SIPA1L2: variants seen among roughly 807,000 people sequenced by gnomAD.
The protein encoded by SIPA1L2 is signal induced proliferation associated 1 like 2, also known as signal-induced proliferation-associated 1-like protein 2.
A neutral mutation model predicts 163.9 loss-of-function variants in SIPA1L2; 56 were observed. That is an observed-to-expected ratio of 0.34 (90% CI 0.28 to 0.43). SIPA1L2 has a LOEUF of 0.43. Among genes scored for constraint, SIPA1L2 ranks in the 20% least tolerant of loss-of-function variants. SIPA1L2 has a pLI of 1.00. For missense variants in SIPA1L2, 1,974 were observed against 2,193.5 expected, an observed-to-expected ratio of 0.90 and a Z score of 2.00; for synonymous variants, 877 against 865.7, an observed-to-expected ratio of 1.01 and a Z score of -0.23.
chr1:232,596,856 C>G (rs111325883), intron 1 of SIPA1L2, among the ~76,000 whole-genome samples: 446 of 152,278 alleles, frequency 2.9e-3, no homozygotes, highest in African/African-American at 0.011. Flanking sequence ...AGGGACTTAT[C>G]TGATTAGAAA....
chr1:232,572,135 A>G (rs1219765351), intron 2 of SIPA1L2, among the ~76,000 whole-genome samples: 1 of 152,208 alleles, frequency 6.6e-6, no homozygotes, highest in Non-Finnish European at 1.5e-5. Context: ...AAGTCCACAC[A>G]GTGCCTGTTT....
intron 3 of SIPA1L2, among the ~76,000 whole-genome samples, chr1:232,508,671 C>T (rs1666841592): frequency 6.6e-6 from 1 of 152,248 alleles, no homozygotes. Context: ...GGCACATTCA[C>T]AATGAGTCCC....
At chr1:232,404,484 G>C (rs947742891) in intron 19 of SIPA1L2, among the ~76,000 whole-genome samples, 4 of 152,146 alleles carry the variant, frequency 2.6e-5, no homozygotes, top group Admixed American at 2.0e-4. Flanking sequence ...AATCCAAAGA[G>C]AGTGGTGGTA....
At chr1:232,581,616 C>A (rs1330199799) in intron 1 of SIPA1L2, among the ~76,000 whole-genome samples, 1 of 152,210 alleles carries the variant, frequency 6.6e-6, no homozygotes, top group African/African-American at 2.4e-5. Flanking sequence ...ACAGCTCACA[C>A]AGACACATCT....
At chr1:232,446,092 G>A (rs988369821) in intron 10 of SIPA1L2, among the ~76,000 whole-genome samples, 26 of 152,088 alleles carry the variant, frequency 1.7e-4, no homozygotes, top group Non-Finnish European at 2.5e-4. Context: ...TAATACAGCC[G>A]TATGGTTATT....
At chr1:232,593,306 C>A (rs1464904423) in intron 1 of SIPA1L2, among the ~76,000 whole-genome samples, 1 of 152,122 alleles carries the variant, frequency 6.6e-6, no homozygotes, top group African/African-American at 2.4e-5. Context: ...TGATGGGCCA[C>A]ATTTCCTGAG....
At chr1:232,522,959 A>G (rs1667526075) in intron 2 of SIPA1L2, among the ~76,000 whole-genome samples, 1 of 152,230 alleles carries the variant, frequency 6.6e-6, no homozygotes, top group Non-Finnish European at 1.5e-5. Flanking sequence ...CCAGTAACTG[A>G]CTGCAGTGTT....
At chr1:232,594,748 C>A (rs1179181950) in intron 1 of SIPA1L2, among the ~76,000 whole-genome samples, 3 of 152,062 alleles carry the variant, frequency 2.0e-5, no homozygotes, top group African/African-American at 7.2e-5. Flanking sequence ...ATTTCATATG[C>A]TTATTCTTAG....
At chr1:232,561,295 G>A (rs1659020575) in intron 2 of SIPA1L2, among the ~76,000 whole-genome samples, 1 of 152,204 alleles carries the variant, frequency 6.6e-6, no homozygotes, top group Non-Finnish European at 1.5e-5. Flanking sequence ...GTTTCAGGAA[G>A]TCAGCTTTTG....
intron 2 of SIPA1L2, among the ~76,000 whole-genome samples, chr1:232,563,944 G>GTTT (rs1264800808): frequency 4.0e-5 from 4 of 99,992 alleles, no homozygotes; most frequent in African/African-American, 2.7e-4. Flanking sequence ...ACAAAGGTTT[G>GTTT]TTTTTTTTTT....
At chr1:232,610,470 G>A (rs1662180234) in intron 1 of SIPA1L2, among the ~76,000 whole-genome samples, 1 of 152,226 alleles carries the variant, frequency 6.6e-6, no homozygotes, top group African/African-American at 2.4e-5. Context: ...TATGGAAGAT[G>A]TAAAGAGGGA....
intron 1 of SIPA1L2, among the ~76,000 whole-genome samples, chr1:232,619,698 T>C (rs1662695043): frequency 6.6e-6 from 1 of 152,144 alleles, no homozygotes; most frequent in Non-Finnish European, 1.5e-5. Context: ...CCCTGTTAAC[T>C]TGGAAATCTT....
At chr1:232,402,693 T>C (rs569135553) in intron 21 of SIPA1L2, 90 of 363,480 alleles carry the variant, frequency 2.5e-4, no homozygotes, top group Admixed American at 6.6e-4. Flanking sequence ...TCTATAGATA[T>C]ACGAGTTGGT....
chr1:232,568,355 C>G (rs1344847789), intron 2 of SIPA1L2, among the ~76,000 whole-genome samples: 1 of 152,186 alleles, frequency 6.6e-6, no homozygotes, highest in African/African-American at 2.4e-5. Flanking sequence ...AGACAGCCAG[C>G]TAGTGTTTGC....
At chr1:232,609,092 G>A (rs768700964) in intron 1 of SIPA1L2, among the ~76,000 whole-genome samples, 1 of 151,944 alleles carries the variant, frequency 6.6e-6, no homozygotes, top group Non-Finnish European at 1.5e-5. Context: ...CACCCACATC[G>A]AACTAGCCAT....
intron 1 of SIPA1L2, among the ~76,000 whole-genome samples, chr1:232,619,930 G>A (rs1371134374): frequency 1.3e-5 from 2 of 152,096 alleles, no homozygotes; most frequent in Admixed American, 1.3e-4. Context: ...CTCTCACCAG[G>A]CTGGAGTGCA....
chr1:232,538,183 A>AGGCCAGGATGG (rs908617242), intron 2 of SIPA1L2, among the ~76,000 whole-genome samples: 1 of 152,196 alleles, frequency 6.6e-6, no homozygotes, highest in African/African-American at 2.4e-5. Flanking sequence ...GATCACGGTC[A>AGGCCAGGATGG]GGCCAGGATG....
chr1:232,533,603 C>T lies in SIPA1L2; in HGVS notation c.-269-17995G>A, dbSNP rs966159610. Among the ~76,000 whole-genome samples the T allele has an allele frequency of 3.9e-5, 6 of 152,332 alleles. No homozygotes were observed. In the East Asian group the frequency reaches 7.7e-4, roughly 20 times the overall value. ...TTCAATCTAAAAATAGGAGAGATAACAGGCAAAGTGTTGGTTAAATCACAG... is the reference window on the plus strand; with the variant it reads ...TTCAATCTAAAAATAGGAGAGATAATAGGCAAAGTGTTGGTTAAATCACAG... On this transcript the variant is annotated intron_variant, in intron 2 of 22. Coordinates refer to ENST00000674635, the MANE Select transcript of SIPA1L2 (RefSeq NM_020808.5).
intron 5 of SIPA1L2, among the ~76,000 whole-genome samples, chr1:232,484,919 C>T (rs1665568587): frequency 6.6e-6 from 1 of 152,200 alleles, no homozygotes; most frequent in Non-Finnish European, 1.5e-5. Context: ...AAAACAGAAC[C>T]TTTAATCAAA....
Sources: gnomAD v4.1 joint callset for allele counts (sites outside exome capture counted in the v4.1 genomes callset) on GRCh38, gnomAD v4.1.1 for gene constraint, MANE v1.5 for transcripts, NCBI Gene and HGNC (gene_info 2026-07-23, HGNC 2026-07-21) for gene names.